The following MUC4 variants were observed in gnomAD, a reference collection of about 807,000 sequenced individuals.
MUC4 encodes the protein mucin-4.
MUC4 carries 202 observed loss-of-function variants against 257.9 expected under a neutral mutation model. That is an observed-to-expected ratio of 0.78 (90% CI 0.70 to 0.88). MUC4 has a LOEUF of 0.88. Among genes scored for constraint, MUC4 ranks in the 40% least tolerant of loss-of-function variants. The pLI, the probability that MUC4 is intolerant of heterozygous loss-of-function variation, is 0.00. For missense variants in MUC4, 5,976 were observed against 6,513.7 expected (o/e 0.92, Z 2.84); for synonymous variants, 2,351 against 2,757.1 (o/e 0.85, Z 4.62).
intron 13 of MUC4, 145 bp from the exon 14 acceptor site, chr3:195,762,399 C>A (rs1358901092): frequency 1.1e-6 from 1 of 909,322 alleles, no homozygotes; most frequent in Non-Finnish European, 1.6e-6. Context: ...GAGAAGAGGC[C>A]GGCGAGCTGC....
intron 8 of MUC4, 102 bp from the exon 9 acceptor site, chr3:195,765,551 G>C (rs889681317): frequency 4.1e-4 from 489 of 1,186,830 alleles, no homozygotes; most frequent in Non-Finnish European, 5.1e-4. Context: ...ACCCCCTCCT[G>C]CCACTTCTCA....
Position 195,765,380 on chromosome 3 carries a change from T to G in MUC4, c.13688A>C (p.Gln4563Pro). 1 of 1,613,604 alleles carries G rather than the reference T, an allele frequency of 6.2e-7. No homozygotes were observed. Among genetic ancestry groups the G allele is most frequent in the Non-Finnish European group, 8.5e-7 (1 of 1,180,022 alleles). Reference sequence around the variant, plus strand: ...CCACCGAGGCTGGCTCTTCAGCCACTGCAGGCACTCGAGACGGTAGTTGGG... The same window carrying G: ...CCACCGAGGCTGGCTCTTCAGCCACGGCAGGCACTCGAGACGGTAGTTGGG... Reference protein sequence around the residue: ...ERPNYRLECLQWLKSQPRWPS... With the variant: ...ERPNYRLECLPWLKSQPRWPS... The change falls in exon 9 of 25, where the codon CAG (glutamine) becomes CCG (proline). Residue 4563 changes from glutamine to proline, a missense_variant. This residue lies in a region of MUC4 where 996 missense variants were observed against 1,137.3 expected (regional missense o/e 0.88). Transcript: ENST00000463781.
intron 7 of MUC4, among the ~76,000 whole-genome samples, chr3:195,767,871 C>T (rs1001897936): frequency 2.6e-4 from 37 of 144,210 alleles, no homozygotes; most frequent in Non-Finnish European, 3.4e-4. Context: ...CCCAACACCA[C>T]CACCATCACC....
Position 195,754,347 on chromosome 3 carries a change from C to T in MUC4, c.15194G>A (p.Gly5065Asp). The change falls in exon 19 of 25, where the codon GGC becomes GAC. Residue 5065 changes from glycine to aspartate, a missense_variant. Physicochemically the swap from Gly to Asp is moderately conservative, Grantham distance 94 (BLOSUM62 -1). Transcript: ENST00000463781. ...GCCCTCGCAGTAGCGGCCGAAGGTG[C>T]CCCCGTCACACTTGCAGCCAGCCAC... ...LEVAGCKCDG[G>D]TFGRYCEGSE... The T allele has an allele frequency of 6.2e-7, 1 of 1,610,346 alleles. No individual in the cohort carries two copies. The highest frequency in any genetic ancestry group is 8.5e-7 in the Non-Finnish European group (1 of 1,178,764).
At chr3:195,775,389 CCACACCCATACCTTCCA>C (rs1560283378) in intron 3 of MUC4, among the ~76,000 whole-genome samples, 5 of 116,344 alleles carry the variant, frequency 4.3e-5, no homozygotes, top group African/African-American at 1.1e-4. Flanking sequence ...CTCGTACCTT[CCACACCCATACCTTCCA>C]CACCCATACC....
At position 195,810,651 on chromosome 3, in the gene MUC4, C is replaced by G. The variant is rs868774247; in HGVS notation, c.82+1085G>C. ...TAAGAAGCCCACGGCCAGCACCTCCCGGCCCTCTGCGCCCTGGCCGCCTCC... is the reference window on the plus strand; with the variant it reads ...TAAGAAGCCCACGGCCAGCACCTCCGGGCCCTCTGCGCCCTGGCCGCCTCC... On this transcript the variant is annotated intron_variant, in intron 1 of 24. Coordinates refer to ENST00000463781, the MANE Select transcript of MUC4 (RefSeq NM_018406.7). This position sits in a 1 kb window ranked among gnomAD's most constrained non-coding sequence, Gnocchi z 4.2. Among the ~76,000 whole-genome samples the G allele has an allele frequency of 2.0e-5, 3 of 152,164 alleles. No individual in the cohort carries two copies. The highest frequency in any genetic ancestry group is 4.4e-5 in the Non-Finnish European group (3 of 68,026).
At position 195,782,560 on chromosome 3, in the gene MUC4, G is replaced by T. The variant is rs200153380; in HGVS notation, c.9020C>A (p.Thr3007Asn). 6 of 922,110 alleles carry T rather than the reference G, an allele frequency of 6.5e-6. No homozygotes were observed. The highest frequency in any genetic ancestry group is 4.4e-5 in the East Asian group (1 of 22,628). The allele number at this position is 922,110 out of a possible 1,614,324, so 57.1% of individuals were successfully genotyped here. ...GGAAGTGTCGGTGACAGGAAGAGAGGTGGCGTGACCTATGGATGCTGAGGA... is the reference window on the plus strand; with the variant it reads ...GGAAGTGTCGGTGACAGGAAGAGAGTTGGCGTGACCTATGGATGCTGAGGA... Reference protein sequence around the residue: ...DTSSASIGHATSLPVTDTSSI... With the variant: ...DTSSASIGHANSLPVTDTSSI... Residue 3007 changes from threonine to asparagine, a missense_variant, in exon 2 of 25, where the codon ACC becomes AAC. Physicochemically the swap from Thr to Asn is moderately conservative, Grantham distance 65 (BLOSUM62 0). Coordinates refer to ENST00000463781, the MANE Select transcript of MUC4 (RefSeq NM_018406.7).
In MUC4 at chr3:195,766,720, T is replaced by C. The variant is rs762371490; in HGVS notation, c.13561A>G (p.Met4521Val). ...GDGYFENSPL[M>V]SQPVWERYRP... ...TACCTCTCCCACACTGGCTGGGACA[T>C]CAGTGGGCTGTTTTCGAAATAGCCA... The change falls in exon 8 of 25, where the codon ATG (methionine) becomes GTG (valine). Residue 4521 changes from methionine (M) to valine (V), a missense_variant. By Grantham distance (21) the Met-to-Val change is conservative. Transcript: ENST00000463781. The C allele has an allele frequency of 6.2e-7, 1 of 1,614,162 alleles. No homozygotes were observed. The highest frequency in any genetic ancestry group is 1.1e-5 in the South Asian group (1 of 91,082).
chr3:195,793,935 T>A (rs28483604), intron 1 of MUC4, among the ~76,000 whole-genome samples: 1 of 151,788 alleles, frequency 6.6e-6, no homozygotes, highest in African/African-American at 2.4e-5. Context: ...AACCACTTTT[T>A]AAAAAAAAAT....
chr3:195,790,846 G>GT lies in MUC4; in HGVS notation c.733dup (p.Thr245AsnfsTer8). 1 of 1,613,876 alleles carries GT rather than the reference G, an allele frequency of 6.2e-7. No individual in the cohort carries two copies. ...GACACTACAGAGGGATGAGGTAGCT[G>GT]TTTCACCTGAAGGAGATGTCTTCTG... On this transcript the variant is annotated frameshift_variant, in exon 2 of 25. Transcript: ENST00000463781. LOFTEE classifies it high-confidence loss of function.
At chr3:195,753,434 C>T (rs1716883375) in intron 19 of MUC4, 3 of 577,316 alleles carry the variant, frequency 5.2e-6, no homozygotes, top group Non-Finnish European at 9.0e-6. Flanking sequence ...TATTCTTCCA[C>T]TTTTGTGGAG....
In MUC4 at chr3:195,757,715, C is replaced by T. The variant is rs139108183; in HGVS notation, c.14987-387G>A. 1.6e-3 allele frequency among the ~76,000 whole-genome samples: 245 copies of T among 152,274 alleles called. No individual in the cohort carries two copies. The highest frequency in any genetic ancestry group is 4.2e-3 in the African/African-American group (175 of 41,558). On this transcript the variant is annotated intron_variant, in intron 17 of 24. Transcript: ENST00000463781. This position sits in a 1 kb window ranked among gnomAD's most constrained non-coding sequence, Gnocchi z 4.8. ...GCCGGCCAAACTGGCTTCACTCTCACGGCAGCCCCATCCTTTGCCCTGATT... is the reference window on the plus strand; with the variant it reads ...GCCGGCCAAACTGGCTTCACTCTCATGGCAGCCCCATCCTTTGCCCTGATT...
chr3:195,789,741 T>C lies in MUC4; in HGVS notation c.1839A>G (p.Ala613=). ...DRHTSQQITT[A]PSTNHSTIHS... ...GTATTGTTGAATGATTTGTTGATGGTGCCGTTGTAATTTGTTGGGATGTGT... is the reference window on the plus strand; with the variant it reads ...GTATTGTTGAATGATTTGTTGATGGCGCCGTTGTAATTTGTTGGGATGTGT... Residue 613 remains alanine (A), a synonymous_variant, in exon 2 of 25, where the codon GCA becomes GCG. Coordinates refer to ENST00000463781, the MANE Select transcript of MUC4 (RefSeq NM_018406.7). 1 of 1,613,924 alleles carries C rather than the reference T, an allele frequency of 6.2e-7. No homozygotes were observed. The highest frequency in any genetic ancestry group is 1.1e-5 in the South Asian group (1 of 91,074).
chr3:195,762,297 C>T (rs775333239), intron 13 of MUC4, 43 bp from the exon 14 acceptor site: 20 of 1,528,090 alleles, frequency 1.3e-5, no homozygotes, highest in Non-Finnish European at 1.8e-5. Flanking sequence ...AGGTCGGCAC[C>T]ACGGCCCGCA....
Position 195,759,306 on chromosome 3 carries a change from C to A in MUC4, c.14849-45G>T, listed in dbSNP as rs745403534. On this transcript the variant is annotated intron_variant, in intron 16 of 24. Transcript: ENST00000463781. ...TGGGGGTTCCGAGGCAGGACAGTCT[C>A]CTGCTTTATCAGCCTCCTCTCTTTC... The A allele has an allele frequency of 2.5e-6, 4 of 1,601,850 alleles. No homozygotes were observed. In the South Asian group the frequency reaches 4.4e-5, roughly 18 times the overall value.
chr3:195,778,754 A>G, intron 2 of MUC4, 36 bp downstream of exon 2: 5 of 1,570,186 alleles, frequency 3.2e-6, no homozygotes, highest in Non-Finnish European at 4.3e-6. Flanking sequence ...CAAGGGGCCC[A>G]CTGGGAGACA....
At position 195,763,558 on chromosome 3, in the gene MUC4, C is replaced by G; in HGVS notation, c.14128G>C (p.Gly4710Arg). Residue 4710 changes from glycine (G) to arginine (R), a missense_variant, in exon 12 of 25, where the codon GGG (glycine) becomes CGG (arginine). Coordinates refer to ENST00000463781, the MANE Select transcript of MUC4 (RefSeq NM_018406.7). ...FNGLGDFLLV[G>R]AQDGNSSFLL... ...AAGGAGGAGTTCCCGTCTTGGGCCCCGACCAGCAGGAAGTCCCCCAGCCCA... is the reference window on the plus strand; with the variant it reads ...AAGGAGGAGTTCCCGTCTTGGGCCCGGACCAGCAGGAAGTCCCCCAGCCCA... 2 of 1,591,532 alleles carry G rather than the reference C, an allele frequency of 1.3e-6. No individual in the cohort carries two copies. Among genetic ancestry groups the G allele is most frequent in the African/African-American group, 1.3e-5 (1 of 74,368 alleles).
intron 1 of MUC4, among the ~76,000 whole-genome samples, chr3:195,797,948 T>TAAAAAATA (rs1202740806): frequency 2.0e-5 from 3 of 151,384 alleles, no homozygotes; most frequent in Non-Finnish European, 4.4e-5. Context: ...TCTACAGAAA[T>TAAAAAATA]AAAAAATAAA....
rs187121441 is a variant in MUC4, at chr3:195,789,131, C to T, written c.2449G>A (p.Gly817Arg). The T allele has an allele frequency of 1.2e-6, 2 of 1,613,686 alleles. No homozygotes were observed. The highest frequency in any genetic ancestry group is 1.1e-5 in the South Asian group (1 of 91,058). ...SSGASGTTPS[G>R]SEGISTSGET... ...CCTGAGGTGGATATTCCTTCGCTTC[C>T]TGAAGGTGTTGTGCCACTCGCCCCG... Residue 817 changes from glycine to arginine, a missense_variant, in exon 2 of 25, where the codon GGA (glycine) becomes AGA (arginine). Coordinates refer to ENST00000463781, the MANE Select transcript of MUC4 (RefSeq NM_018406.7).
Sources: allele counts gnomAD v4.1 joint callset (sites outside exome capture counted in the v4.1 genomes callset), GRCh38; gene constraint gnomAD v4.1.1; regional missense constraint gnomAD v4.1.1; non-coding constraint Gnocchi (gnomAD v3.1); transcripts MANE v1.5; gene names NCBI Gene and HGNC (gene_info 2026-07-23, HGNC 2026-07-21).